NF1: variants seen among roughly 807,000 people sequenced by gnomAD.
NF1 encodes neurofibromin.
In NF1, 122 loss-of-function variants were observed where a neutral mutation model predicts 325.7. That is an observed-to-expected ratio of 0.37 (90% CI 0.32 to 0.44). NF1 has a LOEUF of 0.44. Ranked by LOEUF, NF1 falls within the 20% of genes least tolerant of loss-of-function variation. The pLI is 1.00. For missense variants in NF1, 2,140 were observed against 3,415.4 expected (o/e 0.63, Z 9.31); for synonymous variants, 1,091 against 1,186.0 (o/e 0.92, Z 1.65).
chr17:31,332,375 A>C (rs2151547282), intron 39 of NF1, among the ~76,000 whole-genome samples: 1 of 151,894 alleles, frequency 6.6e-6, no homozygotes, highest in African/African-American at 2.4e-5. Flanking sequence ...GAGGCAGGAG[A>C]ATTGCTTGAA....
rs138680104 is a variant in NF1, at chr17:31,223,288, A to G, written c.1722-156A>G. Among the ~76,000 whole-genome samples, 478 of 152,276 alleles carry G rather than the reference A, an allele frequency of 3.1e-3. 3 individuals are homozygous for G. The highest frequency in any genetic ancestry group is 0.011 in the African/African-American group (461 of 41,584). The stretch of plus-strand genomic sequence containing the variant: ...ACTTATTTCCTTTGATTATAATGCT[A>G]TTGACACTTTGATAACTGTTTCTCT... On this transcript the variant is annotated intron_variant, in intron 15 of 57. Coordinates refer to ENST00000358273, the MANE Select transcript of NF1 (RefSeq NM_001042492.3).
Position 31,201,584 on chromosome 17 carries a change from G to T in NF1, c.1260+99G>T, listed in dbSNP as rs150902431. The T allele has an allele frequency of 3.0e-5, 27 of 891,962 alleles. No individual in the cohort carries two copies. In the South Asian group the frequency reaches 3.4e-4, roughly 11 times the overall value. The allele number at this position is 891,962 out of a possible 1,614,324, so 55.3% of individuals were successfully genotyped here. A position where few individuals can be genotyped will look rare whatever the true frequency, so the allele number is the denominator to read the frequency against. ...AAATGCACTCTTGGTTTTCAAAAAG[G>T]TTCTGAATTTAGATGTATGAAATAG... On this transcript the variant is annotated intron_variant, in intron 11 of 57. Transcript: ENST00000358273.
At chr17:31,180,716 A>G (rs1343918350) in intron 5 of NF1, among the ~76,000 whole-genome samples, 1 of 152,230 alleles carries the variant, frequency 6.6e-6, no homozygotes, top group African/African-American at 2.4e-5. Context: ...CACCACTCCT[A>G]TTCAAACTAA....
chr17:31,256,033 TA>T (rs1179412457), intron 31 of NF1, among the ~76,000 whole-genome samples: 1 of 152,212 alleles, frequency 6.6e-6, no homozygotes, highest in African/African-American at 2.4e-5. Flanking sequence ...TCTTTTAAAA[TA>T]ATCTATTTTA....
At chr17:31,096,711 AC>A (rs1487769585) in intron 1 of NF1, among the ~76,000 whole-genome samples, 3 of 152,220 alleles carry the variant, frequency 2.0e-5, no homozygotes, top group African/African-American at 7.2e-5. Flanking sequence ...TTTCAGACCT[AC>A]CTGGAAAATA....
chr17:31,137,500 G>C (rs1361066912), intron 1 of NF1: 1 of 151,912 alleles, frequency 6.6e-6, no homozygotes, highest in Admixed American at 6.6e-5. Context: ...TTTCACATAG[G>C]GTCAAACCTG....
rs1597745625 is a variant in NF1 at position 31,259,064 on chromosome 17, C to T, written c.4365C>T (p.Phe1455=). 1.2e-6 allele frequency: 2 copies of T among 1,603,726 alleles called. No individual in the cohort carries two copies. The highest frequency in any genetic ancestry group is 1.7e-6 in the Non-Finnish European group (2 of 1,173,780). The change falls in exon 33 of 58, where the codon TTC becomes TTT. Residue 1455 remains phenylalanine (F), a synonymous_variant. Transcript: ENST00000358273. Reference sequence around the variant, plus strand: ...AGAGTATTGCCAATCATGTTCTCTTCACAAAAGAAGAACATATGCGGCCTT... The same window carrying T: ...AGAGTATTGCCAATCATGTTCTCTTTACAAAAGAAGAACATATGCGGCCTT... ...ILQSIANHVL[F]TKEEHMRPFN...
intron 1 of NF1, among the ~76,000 whole-genome samples, chr17:31,109,659 C>T (rs62068816): frequency 6.6e-6 from 1 of 152,160 alleles, no homozygotes; most frequent in Non-Finnish European, 1.5e-5. Context: ...GCTAGGATTA[C>T]AGGCGTGAGC....
chr17:31,250,435 T>C, intron 30 of NF1: 1 of 211,912 alleles, frequency 4.7e-6, no homozygotes, highest in South Asian at 1.7e-4. Flanking sequence ...GGCCTAGTAG[T>C]AACTGGTTTC....
intron 51 of NF1, chr17:31,356,109 T>C (rs2070263629): frequency 4.5e-6 from 1 of 222,186 alleles, no homozygotes; most frequent in Admixed American, 5.2e-5. Context: ...TGGTCAGACA[T>C]AGTTGACCTT....
rs141390152 is a variant in NF1 at position 31,233,126 on chromosome 17, A to G, written c.3621A>G (p.Arg1207=). 24 of 1,614,036 alleles carry G rather than the reference A, an allele frequency of 1.5e-5. No individual in the cohort carries two copies. The African/African-American group carries it at 3.1e-4, about 21-fold the overall frequency. Residue 1207 remains arginine, a synonymous_variant, in exon 27 of 58, where the codon AGA becomes AGG. Coordinates refer to ENST00000358273, the MANE Select transcript of NF1 (RefSeq NM_001042492.3). The stretch of plus-strand genomic sequence containing the variant: ...CAGTATTGGCTGATCGGTTTGAGAG[A>G]TTGGTGGAACTGGTCACAATGATGG... ...AETVLADRFE[R]LVELVTMMGD...
At chr17:31,301,513 T>G (rs532971299) in intron 36 of NF1, among the ~76,000 whole-genome samples, 1 of 152,194 alleles carries the variant, frequency 6.6e-6, no homozygotes, top group African/African-American at 2.4e-5. Context: ...GGTGCTACTT[T>G]ACTTTTTGAT....
intron 35 of NF1, 120 bp downstream of exon 35, chr17:31,261,977 A>G (rs2067694319): frequency 2.1e-6 from 2 of 952,942 alleles, no homozygotes; most frequent in Non-Finnish European, 3.3e-6. Context: ...TAATAATCAC[A>G]TTGCCATGTT....
chr17:31,131,767 A>G (rs927459836), intron 1 of NF1, among the ~76,000 whole-genome samples: 1 of 152,128 alleles, frequency 6.6e-6, no homozygotes, highest in Non-Finnish European at 1.5e-5. Flanking sequence ...ATTTTCTTAT[A>G]TAGCTGTTGT....
intron 1 of NF1, among the ~76,000 whole-genome samples, chr17:31,104,824 A>G (rs1290471905): frequency 6.6e-6 from 1 of 152,200 alleles, no homozygotes; most frequent in Non-Finnish European, 1.5e-5. Context: ...CTTAAAGGCA[A>G]TCCATTTGAC....
chr17:31,293,753 A>G (rs2068401568), intron 36 of NF1, among the ~76,000 whole-genome samples: 1 of 152,204 alleles, frequency 6.6e-6, no homozygotes, highest in Non-Finnish European at 1.5e-5. Flanking sequence ...CTCACAAATT[A>G]AATACCACAT....
At chr17:31,263,331 C>T (rs1008271821) in intron 35 of NF1, among the ~76,000 whole-genome samples, 1 of 151,872 alleles carries the variant, frequency 6.6e-6, no homozygotes, top group Admixed American at 6.6e-5. Flanking sequence ...TCCCAGCTAC[C>T]TGGGAGGCTG....
In NF1 at chr17:31,258,297, T is replaced by A. The variant is rs779297461; in HGVS notation, c.4174-47T>A. ...TTTGAACTCTTTGTTTTCATGTCTT[T>A]ATATTAATTCAAACCTTATACTCAA... is the stretch of plus-strand genomic sequence containing the variant. On this transcript the variant is annotated intron_variant, in intron 31 of 57. Transcript: ENST00000358273. The A allele has an allele frequency of 3.7e-6, 6 of 1,608,370 alleles. No homozygotes were observed. In the South Asian group the frequency reaches 5.5e-5, roughly 15 times the overall value.
intron 13 of NF1, 95 bp from the exon 14 acceptor site, chr17:31,218,910 G>C: frequency 1.6e-6 from 2 of 1,263,526 alleles, no homozygotes; most frequent in Non-Finnish European, 2.2e-6. Context: ...AAAGAAACTT[G>C]GTACCCTTTA....
Sources: allele counts gnomAD v4.1 joint callset (sites outside exome capture counted in the v4.1 genomes callset), GRCh38; gene constraint gnomAD v4.1.1; transcripts MANE v1.5; gene names NCBI Gene and HGNC (gene_info 2026-07-23, HGNC 2026-07-21).